DUSP22: variants seen among roughly 807,000 people sequenced by gnomAD.
DUSP22 encodes the protein dual specificity protein phosphatase 22.
In DUSP22, 24 loss-of-function variants were observed where a neutral mutation model predicts 24.5. The ratio of observed to expected loss-of-function variants is 0.98; its 90% CI spans 0.71 to 1.38. The LOEUF (loss-of-function observed/expected upper bound fraction) is 1.38. Ranked by LOEUF, DUSP22 falls within the 40% of genes most tolerant of loss-of-function variation. The pLI is 0.00. For synonymous variants in DUSP22, 160 were observed against 106.4 expected (o/e 1.50, Z -3.10); for missense variants, 330 against 269.2 (o/e 1.23, Z -1.58).
intron 3 of DUSP22, among the ~76,000 whole-genome samples, chr6:316,840 A>G (rs1355081986): frequency 1.3e-5 from 2 of 152,310 alleles, no homozygotes; most frequent in Non-Finnish European, 2.9e-5. Flanking sequence ...ACATACTGTA[A>G]GATGACAGTG....
rs939381769 is a variant in DUSP22, at chr6:351,309, G to A, written c.*2358G>A. On this transcript the variant is annotated 3_prime_UTR_variant, in exon 7 of 7. Coordinates refer to ENST00000419235, the MANE Select transcript of DUSP22 (RefSeq NM_001286555.3). ...TGTGTTCTCCGTGGTGGAATTGACCGAAAGCTCTATGTTTTCGTTAATAAA... is the reference window on the plus strand; with the variant it reads ...TGTGTTCTCCGTGGTGGAATTGACCAAAAGCTCTATGTTTTCGTTAATAAA... 3.3e-5 allele frequency: 6 copies of A among 181,988 alleles called. No individual in the cohort carries two copies. The highest frequency in any genetic ancestry group is 3.0e-4 in the East Asian group (2 of 6,626). 11.3% of individuals were successfully genotyped at this position (181,988 alleles called of 1,614,324 possible). A position where few individuals can be genotyped will look rare whatever the true frequency, so the allele number is the denominator to read the frequency against.
intron 5 of DUSP22, 57 bp downstream of exon 5, chr6:345,985 C>A: frequency 6.2e-7 from 1 of 1,600,982 alleles, no homozygotes; most frequent in South Asian, 1.1e-5. Context: ...CTTGGCTTCC[C>A]ATCAAGTGTT....
intron 3 of DUSP22, among the ~76,000 whole-genome samples, chr6:328,085 C>T (rs1758968011): frequency 6.6e-6 from 1 of 152,298 alleles, no homozygotes. Flanking sequence ...AGAGAACACT[C>T]CTAGAATATC....
intron 4 of DUSP22, among the ~76,000 whole-genome samples, chr6:343,106 A>G (rs1355200197): frequency 6.6e-6 from 1 of 152,092 alleles, no homozygotes; most frequent in Non-Finnish European, 1.5e-5. Context: ...TTCGGCACTG[A>G]TACCTTAGAT....
chr6:299,543 C>G (rs377404110), intron 1 of DUSP22, among the ~76,000 whole-genome samples: 25 of 152,418 alleles, frequency 1.6e-4, no homozygotes, highest in African/African-American at 6.0e-4. Flanking sequence ...GAGAATCATA[C>G]TGTGACTACA....
At chr6:311,578 G>T (rs1458344424) in intron 2 of DUSP22, among the ~76,000 whole-genome samples, 1 of 152,302 alleles carries the variant, frequency 6.6e-6, no homozygotes, top group Non-Finnish European at 1.5e-5. Flanking sequence ...TACTCGGGAA[G>T]CTGAGGCAGG....
At chr6:342,333 G>A (rs1759647789) in intron 4 of DUSP22, among the ~76,000 whole-genome samples, 1 of 152,302 alleles carries the variant, frequency 6.6e-6, no homozygotes, top group African/African-American at 2.4e-5. Context: ...CGTGGGCACA[G>A]CAGTCAGGGA....
At chr6:305,955 T>C (rs1194088488) in intron 2 of DUSP22, among the ~76,000 whole-genome samples, 1 of 152,308 alleles carries the variant, frequency 6.6e-6, no homozygotes, top group African/African-American at 2.4e-5. Flanking sequence ...ATAATGTCTG[T>C]TTCCACACAC....
intron 4 of DUSP22, among the ~76,000 whole-genome samples, chr6:342,977 G>C (rs959256983): frequency 2.0e-4 from 30 of 152,300 alleles, no homozygotes; most frequent in Admixed American, 1.7e-3. Context: ...CTCCCAGCTG[G>C]CTACCCAGCT....
chr6:319,712 C>T (rs890339164), intron 3 of DUSP22, among the ~76,000 whole-genome samples: 1 of 152,302 alleles, frequency 6.6e-6, no homozygotes, highest in Non-Finnish European at 1.5e-5. Context: ...CTTTTGAAAA[C>T]CAGTTGCTGT....
At chr6:312,550 G>A (rs1041679343) in intron 3 of DUSP22, among the ~76,000 whole-genome samples, 102 of 152,250 alleles carry the variant, frequency 6.7e-4, no homozygotes, top group African/African-American at 2.4e-3. Context: ...TTGAGCTGTT[G>A]GCTAGAGGTA....
intron 5 of DUSP22, among the ~76,000 whole-genome samples, chr6:346,148 A>G (rs1232543030): frequency 6.6e-6 from 1 of 152,228 alleles, no homozygotes; most frequent in Non-Finnish European, 1.5e-5. Flanking sequence ...TTTTTTTCCC[A>G]TTTCCACTGC....
intron 5 of DUSP22, among the ~76,000 whole-genome samples, chr6:347,426 T>C (rs749639952): frequency 3.9e-5 from 6 of 152,306 alleles, no homozygotes; most frequent in Admixed American, 6.5e-5. Flanking sequence ...CTAAGTCTGA[T>C]GAAGCACAGC....
chr6:304,552 CTGG>C, intron 1 of DUSP22, 73 bp from the exon 2 acceptor site: 1 of 1,602,450 alleles, frequency 6.2e-7, no homozygotes. Context: ...GATCCTGCTG[CTGG>C]ATGAGGCCCC....
chr6:312,508 A>G (rs1410969190), intron 3 of DUSP22, among the ~76,000 whole-genome samples: 1 of 152,306 alleles, frequency 6.6e-6, no homozygotes, highest in Admixed American at 6.5e-5. Context: ...ACTGATTCCA[A>G]AAACATCTTT....
chr6:319,841 G>A (rs894227683), intron 3 of DUSP22: 1 of 152,422 alleles, frequency 6.6e-6, no homozygotes, highest in Admixed American at 6.5e-5. Flanking sequence ...TGTACCAAAA[G>A]CTTACAGCAG....
chr6:317,702 T>C (rs1758396435), intron 3 of DUSP22, among the ~76,000 whole-genome samples: 1 of 152,306 alleles, frequency 6.6e-6, no homozygotes, highest in Non-Finnish European at 1.5e-5. Flanking sequence ...GCTCCTGAGC[T>C]GGCCTGGGAG....
chr6:311,340 G>GT (rs1425895701), intron 2 of DUSP22, among the ~76,000 whole-genome samples: 2 of 152,414 alleles, frequency 1.3e-5, no homozygotes, highest in East Asian at 3.9e-4. Flanking sequence ...CTCATAGAAA[G>GT]TTTTTTTCTT....
In DUSP22 at chr6:348,114, T is replaced by C. The variant is rs1759972548; in HGVS notation, c.275T>C (p.Val92Ala). 2 of 1,614,186 alleles carry C rather than the reference T, an allele frequency of 1.2e-6. No individual in the cohort carries two copies. The highest frequency in any genetic ancestry group is 1.7e-6 in the Non-Finnish European group (2 of 1,180,002). ...ESCLVHCLAG[V>A]SRSVTLVIAY... ...TCTTGGCCCCGCAGCCTGGCCGGGG[T>C]CTCCAGGAGCGTGACACTGGTGATC... The change falls in exon 6 of 7, where the codon GTC becomes GCC. Residue 92 changes from valine to alanine, a missense_variant. Val to Ala is a moderately conservative substitution (Grantham distance 64). Transcript: ENST00000419235.
Sources: gnomAD v4.1 joint callset for allele counts (sites outside exome capture counted in the v4.1 genomes callset) on GRCh38, gnomAD v4.1.1 for gene constraint, MANE v1.5 for transcripts, NCBI Gene and HGNC (gene_info 2026-07-23, HGNC 2026-07-21) for gene names.